STRBP: variants seen among roughly 807,000 people sequenced by gnomAD.
STRBP encodes the protein spermatid perinuclear RNA binding protein, also known as spermatid perinuclear RNA-binding protein.
STRBP carries 13 observed loss-of-function variants against 80.1 expected under a neutral mutation model. The observed-to-expected ratio is 0.16, with a 90% CI of 0.11 to 0.26. The LOEUF (loss-of-function observed/expected upper bound fraction) is 0.26, where lower values mean the gene tolerates loss of function less well. Ranked by LOEUF, STRBP falls within the 10% of genes least tolerant of loss-of-function variation. The pLI is 1.00. For synonymous variants in STRBP, 284 were observed against 291.2 expected, an observed-to-expected ratio of 0.98 and a Z score of 0.25; for missense variants, 485 against 815.2, an observed-to-expected ratio of 0.59 and a Z score of 4.93.
At chr9:123,196,728 G>A (rs2039105149) in intron 2 of STRBP, among the ~76,000 whole-genome samples, 1 of 152,068 alleles carries the variant, frequency 6.6e-6, no homozygotes, top group Non-Finnish European at 1.5e-5. Flanking sequence ...CCAAAAAGCA[G>A]GCAATAACAA....
chr9:123,128,928 T>A (rs1367615999), intron 17 of STRBP, among the ~76,000 whole-genome samples: 1 of 152,254 alleles, frequency 6.6e-6, no homozygotes, highest in African/African-American at 2.4e-5. Context: ...AAGGCTCACA[T>A]TATTAAGTAA....
chr9:123,223,301 A>T (rs2040131566), intron 2 of STRBP, among the ~76,000 whole-genome samples: 1 of 152,168 alleles, frequency 6.6e-6, no homozygotes, highest in South Asian at 2.1e-4. Context: ...TAACATTATA[A>T]ATATTTCAAA....
At chr9:123,139,797 C>T in intron 13 of STRBP, 110 bp from the exon 14 acceptor site, 1 of 1,086,970 alleles carries the variant, frequency 9.2e-7, no homozygotes, top group Non-Finnish European at 1.3e-6. Flanking sequence ...CCATAAAACA[C>T]CTTGCAGGAA....
At chr9:123,208,378 C>G (rs59692592) in intron 2 of STRBP, among the ~76,000 whole-genome samples, 3,126 of 152,266 alleles carry the variant, frequency 0.021, 104 homozygotes, top group African/African-American at 0.07. Context: ...CCTCCAAGTT[C>G]TGCTTTCTCC....
intron 2 of STRBP, among the ~76,000 whole-genome samples, chr9:123,188,914 T>C (rs2132478778): frequency 6.6e-6 from 1 of 152,294 alleles, no homozygotes; most frequent in South Asian, 2.1e-4. Context: ...AAACAGGCTT[T>C]ATTTCATTAT....
At chr9:123,255,938 C>G (rs746266152) in intron 1 of STRBP, among the ~76,000 whole-genome samples, 5 of 151,920 alleles carry the variant, frequency 3.3e-5, no homozygotes, top group Non-Finnish European at 7.4e-5. Context: ...GGCTTGAAAC[C>G]CTGTAGTTGT....
chr9:123,226,775 G>A (rs1218653280), intron 2 of STRBP, among the ~76,000 whole-genome samples: 1 of 152,056 alleles, frequency 6.6e-6, no homozygotes, highest in East Asian at 1.9e-4. Flanking sequence ...AGGGGGTGGC[G>A]GGGTGGGGAG....
intron 1 of STRBP, among the ~76,000 whole-genome samples, chr9:123,259,034 T>C (rs1258825409): frequency 2.1e-5 from 3 of 143,762 alleles, no homozygotes; most frequent in African/African-American, 7.6e-5. Flanking sequence ...TGTTACTGTA[T>C]TAAGAATAGA....
At chr9:123,220,551 CAAT>C in intron 2 of STRBP, among the ~76,000 whole-genome samples, 1 of 152,094 alleles carries the variant, frequency 6.6e-6, no homozygotes, top group South Asian at 2.1e-4. Context: ...TAAATGTATA[CAAT>C]AATGTAAACA....
intron 11 of STRBP, among the ~76,000 whole-genome samples, chr9:123,152,495 A>G (rs2037099297): frequency 6.6e-6 from 1 of 152,180 alleles, no homozygotes; most frequent in African/African-American, 2.4e-5. Flanking sequence ...TACAATAGGT[A>G]AACAGTTAAA....
chr9:123,147,752 T>A (rs992265727), intron 12 of STRBP, 26 bp downstream of exon 12: 11 of 1,557,044 alleles, frequency 7.1e-6, no homozygotes, highest in Non-Finnish European at 9.6e-6. Context: ...CTAGTTTGCA[T>A]CTATAAGAAT....
rs929578846 is a variant in STRBP at position 123,161,043 on chromosome 9, C to T, written c.561G>A (p.Pro187=). 12 of 1,599,052 alleles carry T rather than the reference C, an allele frequency of 7.5e-6. No individual in the cohort carries two copies. Among genetic ancestry groups the T allele is most frequent in the African/African-American group, 5.4e-5 (4 of 73,458 alleles). The change falls in exon 7 of 19, where the codon CCG becomes CCA. Residue 187 remains proline, a synonymous_variant. Transcript: ENST00000348403. ...GGCATTTCTGCCTGTCCAATAAGTCCGGAGGATCTTTCATCGAAACATTTT... is the reference window on the plus strand; with the variant it reads ...GGCATTTCTGCCTGTCCAATAAGTCTGGAGGATCTTTCATCGAAACATTTT... The part of the protein sequence containing the change: ...DGENVSMKDP[P]DLLDRQKCLN...
intron 5 of STRBP, among the ~76,000 whole-genome samples, chr9:123,172,577 A>C (rs1217066746): frequency 6.6e-6 from 1 of 152,226 alleles, no homozygotes; most frequent in East Asian, 1.9e-4. Context: ...GGAAAAGCCA[A>C]GTATGTTCTG....
downstream of STRBP, among the ~76,000 whole-genome samples, chr9:123,118,417 A>G (rs1389620322): frequency 1.3e-5 from 2 of 152,236 alleles, no homozygotes; most frequent in Non-Finnish European, 2.9e-5. Flanking sequence ...AACAGTGGCT[A>G]TCTTCACTCT....
intron 2 of STRBP, among the ~76,000 whole-genome samples, chr9:123,186,025 C>G (rs1404286763): frequency 6.5e-5 from 6 of 92,368 alleles, no homozygotes; most frequent in Non-Finnish European, 1.1e-4. Flanking sequence ...AAGCAAGACT[C>G]CGTCTCAAAA....
chr9:123,111,371 TAGCTATCTA>T, intron 3 of STRBP: 1 of 286,128 alleles, frequency 3.5e-6, no homozygotes, highest in Non-Finnish European at 7.2e-6. Context: ...ACCACCTCCC[TAGCTATCTA>T]AAACTCCTAC....
chr9:123,190,863 C>T (rs1245246885), intron 2 of STRBP, among the ~76,000 whole-genome samples: 1 of 152,188 alleles, frequency 6.6e-6, no homozygotes. Flanking sequence ...GTTATTAGCC[C>T]TTCCCAATCA....
intron 1 of STRBP, among the ~76,000 whole-genome samples, chr9:123,249,211 C>T (rs1421870627): frequency 6.6e-6 from 1 of 152,114 alleles, no homozygotes; most frequent in Non-Finnish European, 1.5e-5. Flanking sequence ...CATCTCCACA[C>T]ACACACAAAT....
intron 6 of STRBP, among the ~76,000 whole-genome samples, chr9:123,161,791 T>G (rs1488907874): frequency 3.3e-5 from 5 of 152,244 alleles, no homozygotes; most frequent in African/African-American, 1.2e-4. Context: ...GCCTTAATAA[T>G]TTAAAGTTGG....
Sources: gnomAD v4.1 joint callset for allele counts (sites outside exome capture counted in the v4.1 genomes callset) on GRCh38, gnomAD v4.1.1 for gene constraint, MANE v1.5 for transcripts, NCBI Gene and HGNC (gene_info 2026-07-23, HGNC 2026-07-21) for gene names.